The following SDHAF4 variants were observed in gnomAD, a reference collection of about 807,000 sequenced individuals.
SDHAF4 encodes the protein succinate dehydrogenase assembly factor 4, mitochondrial.
In SDHAF4, 14 loss-of-function variants were observed where a neutral mutation model predicts 14.3. The ratio of observed to expected loss-of-function variants is 0.98; its 90% CI spans 0.65 to 1.53. SDHAF4 has a LOEUF of 1.53. Among genes scored for constraint, SDHAF4 ranks in the 40% most tolerant of loss-of-function variants. The probability of loss-of-function intolerance (pLI) is 0.00; values close to 1 mark genes in which losing one functional copy is unlikely to be tolerated. For missense variants in SDHAF4, 141 were observed against 129.3 expected (o/e 1.09, Z -0.44); for synonymous variants, 63 against 47.3 (o/e 1.33, Z -1.36).
intron 1 of SDHAF4, among the ~76,000 whole-genome samples, chr6:70,570,377 C>T (rs1159869589): frequency 6.6e-6 from 1 of 152,064 alleles, no homozygotes; most frequent in Non-Finnish European, 1.5e-5. Flanking sequence ...GGCTGGAGTG[C>T]AGTGGCGCAA....
At chr6:70,582,187 CTG>C (rs1765139826) in intron 2 of SDHAF4, among the ~76,000 whole-genome samples, 1 of 152,064 alleles carries the variant, frequency 6.6e-6, no homozygotes, top group South Asian at 2.1e-4. Flanking sequence ...TCAGCCTCTC[CTG>C]TAACTGGGGC....
chr6:70,585,151 G>A (rs1482535177), intron 2 of SDHAF4, among the ~76,000 whole-genome samples: 1 of 152,142 alleles, frequency 6.6e-6, no homozygotes, highest in East Asian at 1.9e-4. Flanking sequence ...AACCCCCCAG[G>A]TGATGGTATT....
chr6:70,580,833 A>C (rs1045195912), intron 2 of SDHAF4, among the ~76,000 whole-genome samples: 4 of 152,314 alleles, frequency 2.6e-5, no homozygotes, highest in African/African-American at 9.6e-5. Flanking sequence ...CTAAGGGAGA[A>C]GTCATTGTTT....
chr6:70,592,300 T>C (rs1351555322), downstream of SDHAF4, among the ~76,000 whole-genome samples: 1 of 152,024 alleles, frequency 6.6e-6, no homozygotes, highest in Non-Finnish European at 1.5e-5. Context: ...TTGGAAGAGT[T>C]TGGAGGAGCA....
chr6:70,567,116 C>A, intron 1 of SDHAF4, 112 bp downstream of exon 1: 2 of 1,059,956 alleles, frequency 1.9e-6, no homozygotes, highest in South Asian at 1.5e-5. Context: ...TTCGGTGTTG[C>A]CAGGGGCTGC....
intron 2 of SDHAF4, among the ~76,000 whole-genome samples, chr6:70,580,459 C>G (rs887796406): frequency 3.3e-5 from 5 of 152,168 alleles, no homozygotes; most frequent in African/African-American, 7.2e-5. Flanking sequence ...CCGTTTGACC[C>G]AGCAGTTCCA....
intron 1 of SDHAF4, among the ~76,000 whole-genome samples, chr6:70,573,087 G>A (rs1040821028): frequency 3.3e-5 from 5 of 151,884 alleles, no homozygotes; most frequent in Admixed American, 2.0e-4. Flanking sequence ...CCATACTCCC[G>A]CCTCAGCCTT....
chr6:70,590,877 A>G (rs1014757114), downstream of SDHAF4, among the ~76,000 whole-genome samples: 2 of 152,112 alleles, frequency 1.3e-5, no homozygotes, highest in Non-Finnish European at 2.9e-5. Flanking sequence ...ACACCTGAAG[A>G]CCCAAAAAAG....
rs534041708 is a variant in SDHAF4, at chr6:70,585,600, C to T, written c.218-3015C>T. ...TTTGTTATGGCAGCTCAAGCTAAGA[C>T]ATCCAGTGAGCCACAGAGATATGTG... On this transcript the variant is annotated intron_variant, in intron 2 of 2. Coordinates refer to ENST00000370474, the MANE Select transcript of SDHAF4 (RefSeq NM_145267.3). Among the ~76,000 whole-genome samples, 10 of 152,254 alleles carry T rather than the reference C, an allele frequency of 6.6e-5. No individual in the cohort carries two copies. The South Asian group carries it at 2.1e-3, about 32-fold the overall frequency.
chr6:70,588,280 G>A (rs1343274413), intron 2 of SDHAF4, among the ~76,000 whole-genome samples: 3 of 152,190 alleles, frequency 2.0e-5, no homozygotes, highest in African/African-American at 7.2e-5. Context: ...CAGCACTTTG[G>A]GAGGCCGAGG....
intron 2 of SDHAF4, among the ~76,000 whole-genome samples, chr6:70,582,100 C>T (rs1765138412): frequency 6.6e-6 from 1 of 152,124 alleles, no homozygotes; most frequent in East Asian, 1.9e-4. Flanking sequence ...GAGGCAGAGT[C>T]TCACTCTGTC....
At chr6:70,578,178 TACATTCCC>T (rs757791787) in intron 1 of SDHAF4, among the ~76,000 whole-genome samples, 3 of 152,248 alleles carry the variant, frequency 2.0e-5, no homozygotes, top group South Asian at 2.1e-4. Context: ...TGAACTAAGA[TACATTCCC>T]ACTAGCAGTG....
rs1765232716 is a variant in SDHAF4, at chr6:70,588,845, A to ATATATATATATATG, written c.*132_*133insATGTATATATATAT. On this transcript the variant is annotated 3_prime_UTR_variant, in exon 3 of 3. Transcript: ENST00000370474. ...TGTAGTTTGTATAATGTGTTTAAAT[A>ATATATATATATATG]TATATATATATGATGGCTTTGGAAG... 1 of 347,730 alleles carries ATATATATATATATG rather than the reference A, an allele frequency of 2.9e-6. No individual in the cohort carries two copies. The highest frequency in any genetic ancestry group is 2.2e-5 in the African/African-American group (1 of 45,050). 21.5% of individuals were successfully genotyped at this position (347,730 alleles called of 1,614,324 possible).
At chr6:70,594,914 G>GAAA in the SDHAF4 span, among the ~76,000 whole-genome samples, 15 of 139,170 alleles carry the variant, frequency 1.1e-4, no homozygotes, top group African/African-American at 4.0e-4. Context: ...CTCCATCTCA[G>GAAA]AAAAAAAAAA....
chr6:70,568,835 G>A (rs1020232795), intron 1 of SDHAF4, among the ~76,000 whole-genome samples: 1 of 151,880 alleles, frequency 6.6e-6, no homozygotes, highest in Non-Finnish European at 1.5e-5. Flanking sequence ...TTTTGCCTTA[G>A]GTTTTAATTT....
chr6:70,593,282 C>T (rs1765275148), downstream of SDHAF4, among the ~76,000 whole-genome samples: 3 of 152,270 alleles, frequency 2.0e-5, no homozygotes, highest in Admixed American at 2.0e-4. Flanking sequence ...TGAGGCATAG[C>T]AGCTTCCACC....
Position 70,566,979 on chromosome 6 carries a change from C to T in SDHAF4, c.39C>T (p.Val13=), listed in dbSNP as rs774226549. Residue 13 remains valine (V), a synonymous_variant, in exon 1 of 3, where the codon GTC becomes GTT. Transcript: ENST00000370474. ...GGCTTCCCTGGTTGCTTAGCTGGGT[C>T]TCGGCCACGGCGTGGAGAGCGGCAA... ...PSRLPWLLSW[V]SATAWRAARS... The T allele has an allele frequency of 6.3e-6, 10 of 1,592,518 alleles. No individual in the cohort carries two copies. The highest frequency in any genetic ancestry group is 8.5e-6 in the Non-Finnish European group (10 of 1,169,786).
At chr6:70,592,869 A>G (rs1251923826), downstream of SDHAF4, among the ~76,000 whole-genome samples, 1 of 152,238 alleles carries the variant, frequency 6.6e-6, no homozygotes, top group African/African-American at 2.4e-5. Flanking sequence ...AGAGATTAAT[A>G]TGGCTAGAAA....
rs182639365 is a variant in SDHAF4 at position 70,578,458 on chromosome 6, A to G, written c.65-956A>G. Reference sequence around the variant, plus strand: ...GTTGAGTTGTTTAAGTTCCTTATAGATTCTGGATATGAGACTTTTCTCAGA... The same window carrying G: ...GTTGAGTTGTTTAAGTTCCTTATAGGTTCTGGATATGAGACTTTTCTCAGA... On this transcript the variant is annotated intron_variant, in intron 1 of 2. Transcript: ENST00000370474. Among the ~76,000 whole-genome samples, 281 of 152,238 alleles carry G rather than the reference A, an allele frequency of 1.8e-3. 2 individuals carry two copies. Among genetic ancestry groups the G allele is most frequent in the African/African-American group, 6.4e-3 (264 of 41,542 alleles).
Sources: allele counts gnomAD v4.1 joint callset (sites outside exome capture counted in the v4.1 genomes callset), GRCh38; gene constraint gnomAD v4.1.1; transcripts MANE v1.5; gene names NCBI Gene and HGNC (gene_info 2026-07-23, HGNC 2026-07-21).